TSC22D1: variants seen among roughly 807,000 people sequenced by gnomAD.
TSC22D1 encodes TSC22 domain family member 1, also known as TSC22 domain family protein 1.
In TSC22D1, 9 loss-of-function variants were observed where a neutral mutation model predicts 74.2. The ratio of observed to expected loss-of-function variants is 0.12; its 90% CI spans 0.07 to 0.21. The LOEUF is 0.21. Among genes scored for constraint, TSC22D1 ranks in the 10% least tolerant of loss-of-function variants. The probability of loss-of-function intolerance (pLI) is 1.00; values close to 1 mark genes in which losing one functional copy is unlikely to be tolerated. For synonymous variants in TSC22D1, 586 were observed against 492.5 expected (o/e 1.19, Z -2.51); for missense variants, 1,427 against 1,304.7 (o/e 1.09, Z -1.44).
At chr13:44,490,789 C>T (rs188645472) in intron 1 of TSC22D1, among the ~76,000 whole-genome samples, 4,617 of 151,538 alleles carry the variant, frequency 0.03, 95 homozygotes, top group Non-Finnish European at 0.047. Context: ...CCCAGCTACT[C>T]GGGAGGCTGA....
At chr13:44,538,466 T>TA (rs1566160926) in intron 1 of TSC22D1, 1 of 985,350 alleles carries the variant, frequency 1.0e-6, no homozygotes, top group Non-Finnish European at 1.2e-6. Flanking sequence ...CTCTACTACT[T>TA]AAAAAAATGT....
chr13:44,566,293 T>A (rs867597508), intron 1 of TSC22D1, among the ~76,000 whole-genome samples: 1 of 152,188 alleles, frequency 6.6e-6, no homozygotes, highest in East Asian at 1.9e-4. Context: ...TACTGCTATG[T>A]ATGTAACCTT....
At chr13:44,480,129 G>A (rs1284566497) in intron 1 of TSC22D1, among the ~76,000 whole-genome samples, 1 of 152,086 alleles carries the variant, frequency 6.6e-6, no homozygotes, top group African/African-American at 2.4e-5. Flanking sequence ...TATAAGATGT[G>A]TACAAGTTCC....
chr13:44,550,013 A>C (rs1004875015), intron 1 of TSC22D1, among the ~76,000 whole-genome samples: 3 of 152,188 alleles, frequency 2.0e-5, no homozygotes, highest in African/African-American at 7.2e-5. Flanking sequence ...TCCACTTTCC[A>C]AACATTTTAG....
intron 1 of TSC22D1, chr13:44,436,890 C>T: frequency 8.8e-7 from 1 of 1,137,796 alleles, no homozygotes; most frequent in South Asian, 3.8e-5. Flanking sequence ...AAAATATATG[C>T]AGGAAAGAGC....
At chr13:44,555,438 T>A (rs1882572404) in intron 1 of TSC22D1, among the ~76,000 whole-genome samples, 1 of 152,016 alleles carries the variant, frequency 6.6e-6, no homozygotes, top group Non-Finnish European at 1.5e-5. Flanking sequence ...GAACTCTGTC[T>A]CTACTAAAAA....
rs1198829107 is a variant in TSC22D1, at chr13:44,434,014, C to A, written c.*612G>T. ...CAAAACAACCTTCATGGTAAGATAG[C>A]CTAGGTCCCAGCTACCTGTCACCAT... On this transcript the variant is annotated 3_prime_UTR_variant, in exon 3 of 3. Coordinates refer to ENST00000458659, the MANE Select transcript of TSC22D1 (RefSeq NM_183422.4). The A allele has an allele frequency of 2.6e-6, 4 of 1,533,924 alleles. No homozygotes were observed. The highest frequency in any genetic ancestry group is 3.5e-6 in the Non-Finnish European group (4 of 1,146,480).
intron 1 of TSC22D1, among the ~76,000 whole-genome samples, chr13:44,545,794 T>C (rs955861135): frequency 5.3e-5 from 8 of 151,926 alleles, no homozygotes; most frequent in Non-Finnish European, 1.0e-4. Flanking sequence ...CTGGCCAACA[T>C]GGTGAAACCC....
intron 1 of TSC22D1, among the ~76,000 whole-genome samples, chr13:44,446,790 G>A (rs12856275): frequency 3.0e-4 from 19 of 64,376 alleles, no homozygotes; most frequent in African/African-American, 4.2e-4. Flanking sequence ...AAGAAGAGGA[G>A]GAGGAGGAGG....
intron 1 of TSC22D1, among the ~76,000 whole-genome samples, chr13:44,516,144 T>G (rs1322581065): frequency 2.0e-5 from 3 of 152,188 alleles, no homozygotes; most frequent in African/African-American, 7.2e-5. Context: ...ATTAGTAGTA[T>G]GCAGTATCCC....
intron 1 of TSC22D1, among the ~76,000 whole-genome samples, chr13:44,464,001 C>T (rs1000835777): frequency 5.9e-5 from 9 of 152,120 alleles, no homozygotes; most frequent in African/African-American, 7.2e-5. Context: ...ATGGATCTTC[C>T]GGCCCCAGTG....
At chr13:44,542,233 C>T (rs1178143316) in intron 1 of TSC22D1, among the ~76,000 whole-genome samples, 5 of 151,492 alleles carry the variant, frequency 3.3e-5, no homozygotes, top group African/African-American at 9.7e-5. Flanking sequence ...AGTGAAAATA[C>T]AGGCAAAAAG....
chr13:44,480,954 T>C (rs1050505451), intron 1 of TSC22D1, among the ~76,000 whole-genome samples: 28 of 152,090 alleles, frequency 1.8e-4, no homozygotes, highest in African/African-American at 5.3e-4. Flanking sequence ...CACAGATAAA[T>C]TGGGTCGCTG....
At chr13:44,556,062 T>C (rs1296893117) in intron 1 of TSC22D1, among the ~76,000 whole-genome samples, 2 of 152,060 alleles carry the variant, frequency 1.3e-5, no homozygotes, top group East Asian at 3.8e-4. Context: ...AAGGCTTATA[T>C]TACATTACTA....
At chr13:44,464,809 GT>G (rs1877178036) in intron 1 of TSC22D1, among the ~76,000 whole-genome samples, 1 of 152,210 alleles carries the variant, frequency 6.6e-6, no homozygotes, top group South Asian at 2.1e-4. Context: ...CTTATGCCAG[GT>G]TACCCTGACT....
Position 44,516,456 on chromosome 13 carries a change from T to C in TSC22D1, c.2912+56707A>G, listed in dbSNP as rs544579758. 7.9e-4 allele frequency: 233 copies of C among 294,632 alleles called. 2 individuals carry two copies. Among genetic ancestry groups the C allele is most frequent in the Non-Finnish European group, 1.4e-3 (209 of 154,550 alleles). The allele number at this position is 294,632 out of a possible 1,614,324, so 18.3% of individuals were successfully genotyped here. A position where few individuals can be genotyped will look rare whatever the true frequency, so the allele number is the denominator to read the frequency against. ...AAGGGGACTTCGGCATAAAGGCTTA[T>C]GGAAACTAGCCACATGGTGGCCATC... is the stretch of plus-strand genomic sequence containing the variant. On this transcript the variant is annotated intron_variant, in intron 1 of 2. Transcript: ENST00000458659.
Position 44,573,213 on chromosome 13 carries a change from C to T in TSC22D1, c.2862G>A (p.Pro954=). The change falls in exon 1 of 3, where the codon CCG becomes CCA. Residue 954 remains proline, a synonymous_variant. Coordinates refer to ENST00000458659, the MANE Select transcript of TSC22D1 (RefSeq NM_183422.4). The stretch of plus-strand genomic sequence containing the variant: ...GTGTCGTCAGCGGTAGCACCTTCAA[C>T]GGGAAAAGAGAAGCAGAGGCTGCTA... ...SSLAASASLF[P]LKVLPLTTPL... is the part of the protein sequence containing the mutation. 3 of 1,614,210 alleles carry T rather than the reference C, an allele frequency of 1.9e-6. No homozygotes were observed. The highest frequency in any genetic ancestry group is 2.2e-5 in the East Asian group (1 of 44,882).
chr13:44,465,862 A>T (rs1483976702), intron 1 of TSC22D1, among the ~76,000 whole-genome samples: 1 of 152,192 alleles, frequency 6.6e-6, no homozygotes, highest in African/African-American at 2.4e-5. Context: ...AACCCCAGCC[A>T]CTTGGGAGCC....
At chr13:44,522,735 T>C (rs895665337) in intron 1 of TSC22D1, among the ~76,000 whole-genome samples, 21 of 152,136 alleles carry the variant, frequency 1.4e-4, no homozygotes, top group African/African-American at 4.8e-4. Context: ...GTAAAACTTG[T>C]AGATAATGAG....
Sources: gnomAD v4.1 joint callset for allele counts (sites outside exome capture counted in the v4.1 genomes callset) on GRCh38, gnomAD v4.1.1 for gene constraint, MANE v1.5 for transcripts, NCBI Gene and HGNC (gene_info 2026-07-23, HGNC 2026-07-21) for gene names.